Variants in DAGLA observed in about 807,000 individuals in gnomAD.
DAGLA encodes diacylglycerol lipase-alpha.
A neutral mutation model predicts 102.6 loss-of-function variants in DAGLA; 22 were observed. The ratio of observed to expected loss-of-function variants is 0.21; its 90% CI spans 0.15 to 0.31. DAGLA has a LOEUF of 0.31. DAGLA is among the 10% of genes least tolerant of loss of function. The pLI is 1.00. For missense variants in DAGLA, 927 were observed against 1,446.6 expected (o/e 0.64, Z 5.83); for synonymous variants, 578 against 628.9 (o/e 0.92, Z 1.21).
At chr11:61,735,207 G>T (rs1436793301) in intron 10 of DAGLA, among the ~76,000 whole-genome samples, 1 of 152,202 alleles carries the variant, frequency 6.6e-6, no homozygotes, top group Non-Finnish European at 1.5e-5. Flanking sequence ...CTCTGGGGCT[G>T]GGAAAGCAGA....
Position 61,728,426 on chromosome 11 carries a change from G to A in DAGLA, c.771+139G>A, listed in dbSNP as rs368515367. 2.9e-5 allele frequency: 31 copies of A among 1,083,812 alleles called. No homozygotes were observed. The East Asian group carries it at 7.0e-4, about 24-fold the overall frequency. 67.1% of individuals were successfully genotyped at this position (1,083,812 alleles called of 1,614,324 possible). A position where few individuals can be genotyped will look rare whatever the true frequency, so the allele number is the denominator to read the frequency against. On this transcript the variant is annotated intron_variant, in intron 7 of 19. Coordinates refer to ENST00000257215, the MANE Select transcript of DAGLA (RefSeq NM_006133.3). ...CCACGCACTCTCTTGGACCCTGGAG[G>A]TCACCTTTACCTCTGGCTCCCCCTG...
chr11:61,710,256 T>G (rs2065183304), intron 1 of DAGLA, among the ~76,000 whole-genome samples: 1 of 147,126 alleles, frequency 6.8e-6, no homozygotes, highest in East Asian at 2.0e-4. Context: ...GGGAGTGAGG[T>G]CCCAGCAAGT....
rs1033058996 is a variant in DAGLA at position 61,696,069 on chromosome 11, T to A, written c.-45+15565T>A. On this transcript the variant is annotated intron_variant, in intron 1 of 19. Coordinates refer to ENST00000257215, the MANE Select transcript of DAGLA (RefSeq NM_006133.3). The stretch of plus-strand genomic sequence containing the variant: ...CCGCCCCCACTGAGACTCCTCCCTG[T>A]CCCCACCACCAGGCTTGCTCTCAGG... 2.6e-5 allele frequency among the ~76,000 whole-genome samples: 4 copies of A among 152,236 alleles called. No individual in the cohort carries two copies. In the South Asian group the frequency reaches 8.3e-4, roughly 32 times the overall value.
intron 14 of DAGLA, 140 bp downstream of exon 14, chr11:61,737,464 G>T (rs909395719): frequency 5.9e-5 from 77 of 1,300,172 alleles, no homozygotes; most frequent in Non-Finnish European, 6.9e-5. Flanking sequence ...GGTGGAGGGT[G>T]GGGGCTCTGA....
At chr11:61,730,595 CTT>C (rs1207154299) in intron 8 of DAGLA, among the ~76,000 whole-genome samples, 1 of 152,182 alleles carries the variant, frequency 6.6e-6, no homozygotes, top group African/African-American at 2.4e-5. Context: ...CTGGCAGACA[CTT>C]TGCTGGGGCA....
chr11:61,743,869 C>A lies in DAGLA; in HGVS notation c.2509C>A (p.Arg837Ser). The change falls in exon 20 of 20, where the codon CGC (arginine) becomes AGC (serine). Residue 837 changes from arginine to serine, a missense_variant. Physicochemically the swap from Arg to Ser is moderately radical, Grantham distance 110 (BLOSUM62 -1). Coordinates refer to ENST00000257215, the MANE Select transcript of DAGLA (RefSeq NM_006133.3). Reference protein sequence around the residue: ...IPEENPSLSSRTELLAADSLS... With the variant: ...IPEENPSLSSSTELLAADSLS... ...CGAGGAAAACCCATCCCTGAGCTCG[C>A]GCACTGAGCTGCTGGCGGCCGACAG... 6.2e-7 allele frequency: 1 copy of A among 1,612,520 alleles called. No individual in the cohort carries two copies. Among genetic ancestry groups the A allele is most frequent in the Non-Finnish European group, 8.5e-7 (1 of 1,179,914 alleles).
At position 61,687,120 on chromosome 11, in the gene DAGLA, C is replaced by A. The variant is rs2064991517; in HGVS notation, c.-45+6616C>A. Among the ~76,000 whole-genome samples, 4 of 152,288 alleles carry A rather than the reference C, an allele frequency of 2.6e-5. No homozygotes were observed. The South Asian group carries it at 8.3e-4, about 32-fold the overall frequency. On this transcript the variant is annotated intron_variant, in intron 1 of 19. Transcript: ENST00000257215. The stretch of plus-strand genomic sequence containing the variant: ...TGTCATTTACTCCTTGCAACAGCAA[C>A]CCCCTGCACGCTCCCATCCCTCCAA...
chr11:61,724,255 T>G (rs2065306768), intron 5 of DAGLA, among the ~76,000 whole-genome samples: 1 of 151,992 alleles, frequency 6.6e-6, no homozygotes, highest in Admixed American at 6.6e-5. Context: ...TCACAATAAT[T>G]TGTTTGTTGA....
chr11:61,742,272 T>C (rs547482384), intron 19 of DAGLA, among the ~76,000 whole-genome samples: 1 of 152,150 alleles, frequency 6.6e-6, no homozygotes, highest in African/African-American at 2.4e-5. Flanking sequence ...GCGCCCTTGC[T>C]ATTCACACAC....
chr11:61,680,685 G>A (rs953331865), intron 1 of DAGLA, among the ~76,000 whole-genome samples, 181 bp downstream of exon 1: 2 of 151,798 alleles, frequency 1.3e-5, no homozygotes, highest in Non-Finnish European at 2.9e-5. Context: ...GCACCAGCGT[G>A]GGGATGGTGA....
intron 1 of DAGLA, among the ~76,000 whole-genome samples, chr11:61,711,474 C>T (rs2135571401): frequency 6.6e-6 from 1 of 152,334 alleles, no homozygotes; most frequent in Non-Finnish European, 1.5e-5. Flanking sequence ...ACTGAGTGGG[C>T]TCTGATGTGA....
chr11:61,739,728 C>T, intron 17 of DAGLA, 67 bp downstream of exon 17: 2 of 1,510,514 alleles, frequency 1.3e-6, no homozygotes, highest in Non-Finnish European at 1.8e-6. Flanking sequence ...GAGAGCAGGG[C>T]CGGCCTTGGC....
At chr11:61,736,402 C>T in intron 13 of DAGLA, 52 bp downstream of exon 13, 1 of 1,429,582 alleles carries the variant, frequency 7.0e-7, no homozygotes, top group Non-Finnish European at 9.9e-7. Context: ...TCCCCCTCCT[C>T]CAACGCAGCA....
intron 1 of DAGLA, among the ~76,000 whole-genome samples, chr11:61,709,188 C>T (rs1408246211): frequency 6.6e-6 from 1 of 152,182 alleles, no homozygotes; most frequent in African/African-American, 2.4e-5. Context: ...GAGAGCATAT[C>T]CTGCTTAGTG....
chr11:61,714,509 G>C lies in DAGLA; in HGVS notation c.-44-5603G>C, dbSNP rs118095910. ...TGTGGATGTTGCTGGCTTCTAGGAG[G>C]GTTAGGCATCTTCAAGATCGTGAAA... On this transcript the variant is annotated intron_variant, in intron 1 of 19. Coordinates refer to ENST00000257215, the MANE Select transcript of DAGLA (RefSeq NM_006133.3). 2.4e-4 allele frequency among the ~76,000 whole-genome samples: 37 copies of C among 152,384 alleles called. 2 individuals are homozygous for C. In the East Asian group the frequency reaches 6.9e-3, roughly 29 times the overall value.
chr11:61,724,209 A>G (rs1384415498), intron 5 of DAGLA, among the ~76,000 whole-genome samples: 3 of 152,182 alleles, frequency 2.0e-5, no homozygotes, highest in African/African-American at 4.8e-5. Context: ...AAAGTGTGCC[A>G]TGGCAGACAA....
chr11:61,742,755 C>T (rs1229663464), intron 19 of DAGLA, among the ~76,000 whole-genome samples: 1 of 151,956 alleles, frequency 6.6e-6, no homozygotes, highest in Admixed American at 6.5e-5. Context: ...TGTCTCCCTG[C>T]TGCCCTCTGT....
rs773714510 is a variant in DAGLA, at chr11:61,731,429, C to T, written c.962C>T (p.Ala321Val). 5 of 1,613,652 alleles carry T rather than the reference C, an allele frequency of 3.1e-6. No individual in the cohort carries two copies. The Middle Eastern group carries it at 5.0e-4, about 160-fold the overall frequency. Residue 321 changes from alanine (A) to valine (V), a missense_variant, in exon 9 of 20, where the codon GCT becomes GTT. By Grantham distance (64) the Ala-to-Val change is moderately conservative (BLOSUM62 0). This residue lies in a region of DAGLA where 44 missense variants were observed against 44.0 expected (regional missense o/e 1.00). Coordinates refer to ENST00000257215, the MANE Select transcript of DAGLA (RefSeq NM_006133.3). Reference protein sequence around the residue: ...RKPACGLCQLARSCSCCLCPA... With the variant: ...RKPACGLCQLVRSCSCCLCPA... Reference sequence around the variant, plus strand: ...CCCGCCTGCGGCCTCTGCCAACTGGCTCGGTCCTGCTCGTGAGTACCCCTG... The same window carrying T: ...CCCGCCTGCGGCCTCTGCCAACTGGTTCGGTCCTGCTCGTGAGTACCCCTG...
intron 1 of DAGLA, among the ~76,000 whole-genome samples, chr11:61,708,747 C>T (rs1264668973): frequency 3.3e-5 from 5 of 152,214 alleles, no homozygotes; most frequent in Admixed American, 6.5e-5. Flanking sequence ...GCACTGTCAT[C>T]ATCCTCATCC....
Sources: allele counts gnomAD v4.1 joint callset (sites outside exome capture counted in the v4.1 genomes callset), GRCh38; gene constraint gnomAD v4.1.1; regional missense constraint gnomAD v4.1.1; transcripts MANE v1.5; gene names NCBI Gene and HGNC (gene_info 2026-07-23, HGNC 2026-07-21).